Variants in SCAMP1 observed in about 807,000 individuals in gnomAD.
SCAMP1 encodes the protein secretory carrier-associated membrane protein 1.
In SCAMP1, 15 loss-of-function variants were observed where a neutral mutation model predicts 41.8. The ratio of observed to expected loss-of-function variants is 0.36; its 90% CI spans 0.24 to 0.55. The LOEUF (loss-of-function observed/expected upper bound fraction) is 0.55. SCAMP1 is among the 20% of genes least tolerant of loss of function. SCAMP1 has a pLI of 0.86. For missense variants in SCAMP1, 341 were observed against 412.6 expected (o/e 0.83, Z 1.50); for synonymous variants, 135 against 136.8 (o/e 0.99, Z 0.09).
intron 1 of SCAMP1, among the ~76,000 whole-genome samples, chr5:78,373,570 A>T (rs1010943012): frequency 6.6e-6 from 1 of 152,122 alleles, no homozygotes; most frequent in African/African-American, 2.4e-5. Flanking sequence ...CTAAATGTTC[A>T]GTTCTTTGCC....
At chr5:78,467,667 G>C (rs975006774) in intron 8 of SCAMP1, among the ~76,000 whole-genome samples, 1 of 152,048 alleles carries the variant, frequency 6.6e-6, no homozygotes, top group Non-Finnish European at 1.5e-5. Context: ...ACTTCTCTGG[G>C]TCTCAGATTC....
At chr5:78,406,187 T>G (rs1418771807) in intron 2 of SCAMP1, among the ~76,000 whole-genome samples, 1 of 152,236 alleles carries the variant, frequency 6.6e-6, no homozygotes. Context: ...GGGGAGTTTG[T>G]TAAAAATGGT....
At chr5:78,361,514 T>A (rs1470269610) in intron 1 of SCAMP1, among the ~76,000 whole-genome samples, 1 of 152,224 alleles carries the variant, frequency 6.6e-6, no homozygotes, top group Non-Finnish European at 1.5e-5. Context: ...CTTGAGCTGC[T>A]TTTCTTCTTG....
chr5:78,429,739 A>G (rs1752556574), intron 6 of SCAMP1, among the ~76,000 whole-genome samples: 1 of 152,080 alleles, frequency 6.6e-6, no homozygotes, highest in Admixed American at 6.6e-5. Context: ...CTTTGGACAG[A>G]ATACTGAAAT....
intron 8 of SCAMP1, among the ~76,000 whole-genome samples, chr5:78,460,807 C>CTTT (rs1561287206): frequency 2.3e-4 from 6 of 26,646 alleles, no homozygotes; most frequent in African/African-American, 5.2e-4. Context: ...CTTCCTTCCT[C>CTTT]CCTTCCTTCC....
rs185540954 is a variant in SCAMP1, at chr5:78,457,786, C to T, written c.735-1459C>T. 8.1e-3 allele frequency: 1,311 copies of T among 161,360 alleles called. 21 individuals are homozygous for T. Among genetic ancestry groups the T allele is most frequent in the African/African-American group, 0.029 (1,222 of 41,654 alleles). 10.0% of individuals were successfully genotyped at this position (161,360 alleles called of 1,614,324 possible). A position where few individuals can be genotyped will look rare whatever the true frequency, so the allele number is the denominator to read the frequency against. On this transcript the variant is annotated intron_variant, in intron 7 of 8. Coordinates refer to ENST00000621999, the MANE Select transcript of SCAMP1 (RefSeq NM_004866.6). ...ATGGTGGGCGCCCCTCCCCCAGCCT[C>T]GCTGCCGCCTTGCAGTTTGATCTCA...
chr5:78,456,610 C>A (rs1753411448), intron 7 of SCAMP1, among the ~76,000 whole-genome samples: 1 of 150,002 alleles, frequency 6.7e-6, no homozygotes, highest in Non-Finnish European at 1.5e-5. Context: ...CTCTGGCTGC[C>A]CTTAACATTT....
At chr5:78,432,818 A>G in intron 6 of SCAMP1, among the ~76,000 whole-genome samples, 1 of 151,938 alleles carries the variant, frequency 6.6e-6, no homozygotes, top group East Asian at 1.9e-4. Context: ...CTCTTTACAT[A>G]TTTCTTTTGT....
At chr5:78,447,061 C>A (rs1438682015) in intron 6 of SCAMP1, among the ~76,000 whole-genome samples, 6 of 152,218 alleles carry the variant, frequency 3.9e-5, no homozygotes, top group African/African-American at 1.4e-4. Context: ...AGCACAAACC[C>A]TATTGTGAAC....
At chr5:78,451,470 C>A (rs1006535566) in intron 7 of SCAMP1, among the ~76,000 whole-genome samples, 2 of 152,122 alleles carry the variant, frequency 1.3e-5, no homozygotes, top group East Asian at 3.8e-4. Flanking sequence ...CTCAAAACTC[C>A]CCTTTTCCCA....
intron 1 of SCAMP1, among the ~76,000 whole-genome samples, chr5:78,374,256 A>G (rs776453551): frequency 3.9e-5 from 6 of 152,148 alleles, no homozygotes; most frequent in South Asian, 2.1e-4. Context: ...GGCCTGAACT[A>G]TCTTAGAGCC....
intron 2 of SCAMP1, among the ~76,000 whole-genome samples, chr5:78,394,340 A>G (rs12697883): frequency 8.6e-5 from 13 of 151,422 alleles, no homozygotes; most frequent in Non-Finnish European, 1.5e-4. Context: ...TCTTTTTTTT[A>G]TATATATATA....
In SCAMP1 at chr5:78,477,492, ACATTAACCACAAAATACAGC is replaced by A. The variant is rs1754033336; in HGVS notation, c.*1825_*1844del. ...AGTGTGGATTTTGCATACATTCAAA[ACATTAACCACAAAATACAGC>A]AAGTGCACCTATATTCACCATTAAC... On this transcript the variant is annotated 3_prime_UTR_variant, in exon 9 of 9. Coordinates refer to ENST00000621999, the MANE Select transcript of SCAMP1 (RefSeq NM_004866.6). 3 of 152,160 alleles carry A rather than the reference ACATTAACCACAAAATACAGC, an allele frequency of 2.0e-5. No individual in the cohort carries two copies. Among genetic ancestry groups the A allele is most frequent in the Admixed American group, 2.0e-4 (3 of 15,264 alleles). 9.4% of individuals were successfully genotyped at this position (152,160 alleles called of 1,614,324 possible). A position where few individuals can be genotyped will look rare whatever the true frequency, so the allele number is the denominator to read the frequency against.
chr5:78,391,128 C>T (rs1184223776), intron 2 of SCAMP1, among the ~76,000 whole-genome samples: 2 of 152,342 alleles, frequency 1.3e-5, no homozygotes, highest in South Asian at 2.1e-4. Context: ...TCCACAAAAC[C>T]GCCATTGTCA....
intron 6 of SCAMP1, among the ~76,000 whole-genome samples, chr5:78,429,510 T>A (rs1752547950): frequency 6.6e-6 from 1 of 152,108 alleles, no homozygotes; most frequent in Non-Finnish European, 1.5e-5. Context: ...ACCCTGCATT[T>A]CTGGCATACT....
chr5:78,402,999 TA>T (rs1751836631), intron 2 of SCAMP1, among the ~76,000 whole-genome samples: 1 of 152,134 alleles, frequency 6.6e-6, no homozygotes, highest in African/African-American at 2.4e-5. Context: ...GCCTTCTGAG[TA>T]GCTGCGATTA....
At chr5:78,373,183 A>G (rs900535262) in intron 1 of SCAMP1, among the ~76,000 whole-genome samples, 1 of 152,174 alleles carries the variant, frequency 6.6e-6, no homozygotes, top group Non-Finnish European at 1.5e-5. Flanking sequence ...CTAAGAACAC[A>G]GAAATGTTTG....
rs989442827 is a variant in SCAMP1 at position 78,377,823 on chromosome 5, CT to C, written c.58-11011del. On this transcript the variant is annotated intron_variant, in intron 1 of 8. Transcript: ENST00000621999. ...CCATGTGTGGAAACTATATTAAGCA[CT>C]TTACATGTAGTAACTCATGAATTAT... Among the ~76,000 whole-genome samples the C allele has an allele frequency of 5.3e-4, 80 of 152,246 alleles. 1 individual carries two copies. Among genetic ancestry groups the C allele is most frequent in the Admixed American group, 5.9e-4 (9 of 15,282 alleles).
intron 6 of SCAMP1, among the ~76,000 whole-genome samples, chr5:78,431,919 G>A (rs549896391): frequency 1.3e-5 from 2 of 151,992 alleles, no homozygotes; most frequent in African/African-American, 4.8e-5. Flanking sequence ...ATTACACTAT[G>A]GAAAAAGGGG....
Sources: allele counts gnomAD v4.1 joint callset (sites outside exome capture counted in the v4.1 genomes callset), GRCh38; gene constraint gnomAD v4.1.1; transcripts MANE v1.5; gene names NCBI Gene and HGNC (gene_info 2026-07-23, HGNC 2026-07-21).